The following PCDHA8 variants were observed in gnomAD, a reference collection of about 807,000 sequenced individuals.
The protein encoded by PCDHA8 is protocadherin alpha 8.
PCDHA8 carries 53 observed loss-of-function variants against 61.8 expected under a neutral mutation model. The observed-to-expected ratio is 0.86, with a 90% CI of 0.69 to 1.08. The LOEUF is 1.08. Ranked by LOEUF, PCDHA8 falls within the 50% of genes least tolerant of loss-of-function variation. The probability of loss-of-function intolerance (pLI) is 0.00; values close to 1 mark genes in which losing one functional copy is unlikely to be tolerated. For synonymous variants in PCDHA8, 618 were observed against 556.6 expected (o/e 1.11, Z -1.55); for missense variants, 1,293 against 1,245.0 (o/e 1.04, Z -0.58).
chr5:140,957,594 A>C (rs2095369947), intron 1 of PCDHA8, among the ~76,000 whole-genome samples: 1 of 152,154 alleles, frequency 6.6e-6, no homozygotes, highest in Non-Finnish European at 1.5e-5. Context: ...AGCACTTCCC[A>C]GAATAAACAC....
At chr5:140,869,108 T>C in intron 1 of PCDHA8, 2 of 1,602,680 alleles carry the variant, frequency 1.2e-6, no homozygotes, top group African/African-American at 1.3e-5. Flanking sequence ...TATGCGATGT[T>C]TGGTTTTCAG....
At chr5:140,875,501 G>A (rs1457273881) in intron 1 of PCDHA8, 2 of 1,613,368 alleles carry the variant, frequency 1.2e-6, no homozygotes, top group Non-Finnish European at 1.7e-6. Context: ...AGAGGCCCGG[G>A]ATCCCAGCGT....
chr5:141,001,670 C>T (rs1554258276), intron 3 of PCDHA8, among the ~76,000 whole-genome samples: 1 of 151,900 alleles, frequency 6.6e-6, no homozygotes, highest in African/African-American at 2.4e-5. Flanking sequence ...CTTGTCCAGT[C>T]GGTCCAACAA....
At chr5:140,853,861 T>C in intron 1 of PCDHA8, 1 of 984,790 alleles carries the variant, frequency 1.0e-6, no homozygotes, top group Non-Finnish European at 1.2e-6. Flanking sequence ...TATTTGATAC[T>C]TGACAGTGCA....
Position 140,873,289 on chromosome 5 carries a change from C to T in PCDHA8, c.2394+29574C>T, listed in dbSNP as rs542998877. On this transcript the variant is annotated intron_variant, in intron 1 of 3. Transcript: ENST00000531613. ...TTAAACCATCATACCACTTATGAAA[C>T]TTTATAAATATAATAAAGGTGAATA... Among the ~76,000 whole-genome samples, 19 of 152,188 alleles carry T rather than the reference C, an allele frequency of 1.2e-4. No homozygotes were observed. In the South Asian group the frequency reaches 3.7e-3, roughly 30 times the overall value.
At chr5:140,916,714 G>C (rs1457405124) in intron 1 of PCDHA8, among the ~76,000 whole-genome samples, 1 of 152,172 alleles carries the variant, frequency 6.6e-6, no homozygotes, top group African/African-American at 2.4e-5. Context: ...CAGAAGGAAG[G>C]AGTGACTTTT....
At position 140,877,452 on chromosome 5, in the gene PCDHA8, G is replaced by A. The variant is rs116206336; in HGVS notation, c.2394+33737G>A. On this transcript the variant is annotated intron_variant, in intron 1 of 3. Transcript: ENST00000531613. ...AGGACCACGGTGAGCCCGCGCTGAC[G>A]TCCACGGCCACGGTGCTGGTGTCGC... 1,416 of 1,613,822 alleles carry A rather than the reference G, an allele frequency of 8.8e-4. 8 individuals carry two copies. The African/African-American group carries it at 0.017, about 19-fold the overall frequency.
chr5:140,913,384 C>G (rs1018271300), intron 1 of PCDHA8, among the ~76,000 whole-genome samples: 1 of 152,144 alleles, frequency 6.6e-6, no homozygotes, highest in Non-Finnish European at 1.5e-5. Flanking sequence ...AGTGGCTCAT[C>G]ATAGCCACTA....
rs2150318765 is a variant in PCDHA8 at position 140,841,595 on chromosome 5, C to A, written c.274C>A (p.Arg92Ser). 1.9e-6 allele frequency: 3 copies of A among 1,614,058 alleles called. No homozygotes were observed. Among genetic ancestry groups the A allele is most frequent in the Non-Finnish European group, 2.5e-6 (3 of 1,180,018 alleles). Reference protein sequence around the residue: ...GILFVNSRIDREELCGRSAEC... With the variant: ...GILFVNSRIDSEELCGRSAEC... The stretch of plus-strand genomic sequence containing the variant: ...TTTGTTTGTGAATTCTCGGATCGAC[C>A]GCGAGGAGCTGTGCGGGCGGAGCGC... Residue 92 changes from arginine (R) to serine (S), a missense_variant, in exon 1 of 4, where the codon CGC becomes AGC. Coordinates refer to ENST00000531613, the MANE Select transcript of PCDHA8 (RefSeq NM_018911.3).
At chr5:140,914,414 C>A (rs1554196336) in intron 1 of PCDHA8, among the ~76,000 whole-genome samples, 1 of 152,038 alleles carries the variant, frequency 6.6e-6, no homozygotes, top group African/African-American at 2.4e-5. Context: ...GTTTTGTTTC[C>A]ATTAGCAAGG....
chr5:140,925,447 T>G (rs2153577798), intron 1 of PCDHA8, among the ~76,000 whole-genome samples: 1 of 152,154 alleles, frequency 6.6e-6, no homozygotes, highest in Non-Finnish European at 1.5e-5. Context: ...AGAATTTGGG[T>G]GTATCTGTTG....
chr5:140,932,222 A>T (rs2088129167), intron 1 of PCDHA8, among the ~76,000 whole-genome samples: 1 of 151,870 alleles, frequency 6.6e-6, no homozygotes, highest in African/African-American at 2.4e-5. Flanking sequence ...GGCAATTTAA[A>T]TTTTTTAGAA....
At chr5:140,863,216 C>T (rs781920741) in intron 1 of PCDHA8, 10 of 1,084,230 alleles carry the variant, frequency 9.2e-6, no homozygotes, top group African/African-American at 3.2e-5. Flanking sequence ...AGCAGCCAAG[C>T]GAGGAAGGTC....
chr5:140,866,283 G>A (rs1554160187), intron 1 of PCDHA8: 1 of 152,094 alleles, frequency 6.6e-6, no homozygotes, highest in Non-Finnish European at 1.5e-5. Context: ...GACAGTGTTT[G>A]GGACAAGTAT....
chr5:140,882,596 G>C, intron 1 of PCDHA8: 1 of 1,614,248 alleles, frequency 6.2e-7, no homozygotes, highest in Non-Finnish European at 8.5e-7. Context: ...GGAGGTGATC[G>C]TGGACAGGCC....
Position 140,848,391 on chromosome 5 carries a change from G to A in PCDHA8, c.2394+4676G>A. ...GGCTCAATTCTTTTTCACTCTCTCTGTGCTGAACGATGGCGAACACAGCAG... is the reference window on the plus strand; with the variant it reads ...GGCTCAATTCTTTTTCACTCTCTCTATGCTGAACGATGGCGAACACAGCAG... On this transcript the variant is annotated intron_variant, in intron 1 of 3. Coordinates refer to ENST00000531613, the MANE Select transcript of PCDHA8 (RefSeq NM_018911.3). The A allele has an allele frequency of 2.4e-6, 3 of 1,246,922 alleles. No homozygotes were observed. In the South Asian group the frequency reaches 4.3e-5, roughly 18 times the overall value. 77.2% of individuals were successfully genotyped at this position (1,246,922 alleles called of 1,614,324 possible).
chr5:140,851,812 G>A, intron 1 of PCDHA8: 1 of 953,880 alleles, frequency 1.0e-6, no homozygotes, highest in Non-Finnish European at 1.3e-6. Context: ...TAATCCATAA[G>A]ACAGAAATCT....
intron 1 of PCDHA8, among the ~76,000 whole-genome samples, chr5:140,947,079 C>T (rs2094082344): frequency 6.6e-6 from 1 of 151,398 alleles, no homozygotes; most frequent in Non-Finnish European, 1.5e-5. Context: ...TGTATTGAAA[C>T]ATCAGACTGT....
intron 1 of PCDHA8, among the ~76,000 whole-genome samples, chr5:140,893,236 T>C (rs1554185562): frequency 6.6e-6 from 1 of 152,236 alleles, no homozygotes. Flanking sequence ...TTTGACATAC[T>C]GGTTTCCTTT....
Sources: allele counts gnomAD v4.1 joint callset (sites outside exome capture counted in the v4.1 genomes callset), GRCh38; gene constraint gnomAD v4.1.1; transcripts MANE v1.5; gene names NCBI Gene and HGNC (gene_info 2026-07-23, HGNC 2026-07-21).